SLC26A11: variants seen among roughly 807,000 people sequenced by gnomAD.
SLC26A11 encodes solute carrier family 26 member 11.
Under a neutral mutation model 62.2 loss-of-function variants are expected in SLC26A11, and 58 were observed. That is an observed-to-expected ratio of 0.93 (90% CI 0.76 to 1.16). SLC26A11 has a LOEUF of 1.16. Ranked by LOEUF, SLC26A11 falls within the 50% of genes most tolerant of loss-of-function variation. SLC26A11 has a pLI of 0.00. For missense variants in SLC26A11, 790 were observed against 794.3 expected, an observed-to-expected ratio of 0.99 and a Z score of 0.06; for synonymous variants, 411 against 368.9, an observed-to-expected ratio of 1.11 and a Z score of -1.31.
rs772379506 is a variant in SLC26A11 at position 80,223,674 on chromosome 17, A to G, written c.513+337A>G. 9.2e-5 allele frequency among the ~76,000 whole-genome samples: 14 copies of G among 152,192 alleles called. No homozygotes were observed. Among genetic ancestry groups the G allele is most frequent in the Non-Finnish European group, 1.9e-4 (13 of 68,040 alleles). On this transcript the variant is annotated intron_variant, in intron 5 of 17. Transcript: ENST00000361193. The surrounding 1 kb of genome is among the most constrained non-coding windows in gnomAD (Gnocchi z 4.6). The stretch of plus-strand genomic sequence containing the variant: ...TGTTCTCCCTGCACTGGGCACACCC[A>G]GCAGGCCCCACCAGTCATGAGCATG...
chr17:80,249,033 C>A, intron 15 of SLC26A11, 121 bp from the exon 16 acceptor site: 2 of 1,286,454 alleles, frequency 1.6e-6, no homozygotes, highest in Non-Finnish European at 2.1e-6. Context: ...ACTCAGCCGC[C>A]ACGAGATGGA....
intron 7 of SLC26A11, among the ~76,000 whole-genome samples, chr17:80,229,580 C>T (rs555565335): frequency 1.8e-3 from 277 of 152,132 alleles, no homozygotes; most frequent in Admixed American, 4.3e-3. Flanking sequence ...CAGGCGTGCA[C>T]CACCACACCT....
At chr17:80,224,444 A>AGTGTGC (rs1555626282) in intron 5 of SLC26A11, among the ~76,000 whole-genome samples, 3 of 146,780 alleles carry the variant, frequency 2.0e-5, no homozygotes, top group African/African-American at 5.1e-5. Context: ...TGGGTGTGAG[A>AGTGTGC]GTGTGAGTGT....
intron 10 of SLC26A11, 51 bp from the exon 11 acceptor site, chr17:80,245,145 C>A: frequency 6.4e-7 from 1 of 1,565,900 alleles, no homozygotes; most frequent in Non-Finnish European, 8.8e-7. Flanking sequence ...TCCTTTCCCT[C>A]CATCCTGTGT....
chr17:80,248,729 C>A (rs138258263), intron 15 of SLC26A11, 55 bp downstream of exon 15: 9 of 1,492,894 alleles, frequency 6.0e-6, no homozygotes, highest in South Asian at 2.4e-5. Flanking sequence ...CTCTGCCCCC[C>A]ACTCCCTGCT....
Position 80,246,858 on chromosome 17 carries a change from G to A in SLC26A11, c.1294+209G>A, listed in dbSNP as rs1331446913. The stretch of plus-strand genomic sequence containing the variant: ...GGGAAGAGCTGGAGCTCCTTGTCCT[G>A]ACACCTGGGGTCTTGAGGCGAGCAC... On this transcript the variant is annotated intron_variant, in intron 13 of 17. Coordinates refer to ENST00000361193, the MANE Select transcript of SLC26A11 (RefSeq NM_001166347.2). The surrounding 1 kb of genome is among the most constrained non-coding windows in gnomAD (Gnocchi z 4.4). 6.6e-6 allele frequency among the ~76,000 whole-genome samples: 1 copy of A among 152,128 alleles called. No homozygotes were observed. The highest frequency in any genetic ancestry group is 2.4e-5 in the African/African-American group (1 of 41,420).
At position 80,221,673 on chromosome 17, in the gene SLC26A11, CGT is replaced by C. The variant is rs1192373819; in HGVS notation, c.115_116del (p.Trp39AlafsTer32). On this transcript the variant is annotated frameshift_variant, in exon 3 of 18. Transcript: ENST00000361193. LOFTEE classifies it high-confidence loss of function. Reference sequence around the variant, plus strand: ...CTGCAGAGGAGGCTGCCCATCCTGGCGTGGCTGCCCAGCTACTCCCTGCAGTG... The same window carrying C: ...CTGCAGAGGAGGCTGCCCATCCTGGCGGCTGCCCAGCTACTCCCTGCAGTG... 2 of 1,613,142 alleles carry C rather than the reference CGT, an allele frequency of 1.2e-6. No homozygotes were observed. The highest frequency in any genetic ancestry group is 1.7e-6 in the Non-Finnish European group (2 of 1,179,994).
rs1322566772 is a variant in SLC26A11 at position 80,252,848 on chromosome 17, A to G, written c.*132A>G. 4 of 752,332 alleles carry G rather than the reference A, an allele frequency of 5.3e-6. No individual in the cohort carries two copies. Among genetic ancestry groups the G allele is most frequent in the East Asian group, 5.6e-5 (2 of 35,734 alleles). The allele number at this position is 752,332 out of a possible 1,614,324, so 46.6% of individuals were successfully genotyped here. On this transcript the variant is annotated 3_prime_UTR_variant, in exon 18 of 18. Transcript: ENST00000361193. The surrounding 1 kb of genome is among the most constrained non-coding windows in gnomAD (Gnocchi z 5.2). ...AACCCCTGAGCAGGTAACCCAGGGA[A>G]GAGAAGGAAGCCAGGCCTGGAGGTC...
intron 1 of SLC26A11, 74 bp downstream of exon 1, chr17:80,220,570 G>C (rs2042121807): frequency 7.6e-6 from 3 of 396,756 alleles, no homozygotes; most frequent in Non-Finnish European, 1.3e-5. Context: ...GGGGTCGCCG[G>C]GGGCAGCCGA....
chr17:80,221,480 G>C, intron 2 of SLC26A11, 68 bp from the exon 3 acceptor site: 1 of 1,205,632 alleles, frequency 8.3e-7, no homozygotes, highest in Non-Finnish European at 1.1e-6. Flanking sequence ...CGCCGACCCT[G>C]ACCAGTGTTG....
intron 5 of SLC26A11, 96 bp from the exon 6 acceptor site, chr17:80,225,741 A>G (rs2042389654): frequency 1.8e-6 from 2 of 1,084,042 alleles, no homozygotes; most frequent in African/African-American, 1.6e-5. Context: ...GCCGGGGGAC[A>G]CTGTCTCAGC....
chr17:80,221,931 C>T (rs1261569207), intron 3 of SLC26A11, 137 bp downstream of exon 3: 2 of 914,138 alleles, frequency 2.2e-6, no homozygotes, highest in South Asian at 3.5e-5. Flanking sequence ...GTGTGTGACG[C>T]AGATTGTCTC....
chr17:80,248,557 A>G lies in SLC26A11; in HGVS notation c.1423-18A>G. On this transcript the variant is annotated intron_variant, in intron 14 of 17. Transcript: ENST00000361193. ...CCACCCGGTCAGACCCGCCTCCAGG[A>G]CTCACTCCTCCCCACAGGTGTCAGA... is the stretch of plus-strand genomic sequence containing the variant. 1.9e-6 allele frequency: 3 copies of G among 1,558,432 alleles called. No homozygotes were observed. Among genetic ancestry groups the G allele is most frequent in the Admixed American group, 1.9e-5 (1 of 52,540 alleles).
intron 11 of SLC26A11, chr17:80,245,509 C>G (rs889093582): frequency 9.2e-5 from 45 of 490,518 alleles, no homozygotes; most frequent in South Asian, 8.1e-4. Flanking sequence ...CCCATTTACT[C>G]TGGAGGCGGA....
chr17:80,222,928 C>G lies in SLC26A11; in HGVS notation c.427+81C>G, dbSNP rs990065614. The stretch of plus-strand genomic sequence containing the variant: ...TGCATTTCAAGTCTATCCCCGTGTG[C>G]GTGTGTGTGCGTGTTGGGGTGTGGG... On this transcript the variant is annotated intron_variant, in intron 4 of 17. Transcript: ENST00000361193. The surrounding 1 kb of genome is among the most constrained non-coding windows in gnomAD (Gnocchi z 4.7). 1.7e-6 allele frequency: 2 copies of G among 1,186,822 alleles called. No homozygotes were observed. The highest frequency in any genetic ancestry group is 4.4e-5 in the African/African-American group (2 of 45,492). 73.5% of individuals were successfully genotyped at this position (1,186,822 alleles called of 1,614,324 possible).
intron 9 of SLC26A11, among the ~76,000 whole-genome samples, chr17:80,241,034 G>A (rs988528173): frequency 1.3e-5 from 2 of 152,006 alleles, no homozygotes; most frequent in Non-Finnish European, 2.9e-5. Flanking sequence ...GAGCCCAGGA[G>A]GTCAAGGTGG....
intron 5 of SLC26A11, 45 bp from the exon 6 acceptor site, chr17:80,225,792 G>T: frequency 6.4e-7 from 1 of 1,564,686 alleles, no homozygotes; most frequent in Non-Finnish European, 8.8e-7. Context: ...AGATGGCCTT[G>T]GTTTGGGAGC....
Position 80,236,728 on chromosome 17 carries a change from C to T in SLC26A11, c.737-200C>T, listed in dbSNP as rs2042703507. The T allele has an allele frequency of 1.0e-5, 6 of 585,168 alleles. No homozygotes were observed. In the South Asian group the frequency reaches 1.5e-4, roughly 15 times the overall value. 36.2% of individuals were successfully genotyped at this position (585,168 alleles called of 1,614,324 possible). ...GGCATGTGCACCTGTCCGCAGCCTG[C>T]AGCTCTGCCGTCCCACCTGCTTATG... On this transcript the variant is annotated intron_variant, in intron 7 of 17. Transcript: ENST00000361193.
chr17:80,221,482 C>T, intron 2 of SLC26A11, 66 bp from the exon 3 acceptor site: 1 of 1,206,696 alleles, frequency 8.3e-7, no homozygotes, highest in Non-Finnish European at 1.1e-6. Flanking sequence ...CCGACCCTGA[C>T]CAGTGTTGCC....
Sources: allele counts gnomAD v4.1 joint callset (sites outside exome capture counted in the v4.1 genomes callset), GRCh38; gene constraint gnomAD v4.1.1; non-coding constraint Gnocchi (gnomAD v3.1); transcripts MANE v1.5; gene names NCBI Gene and HGNC (gene_info 2026-07-23, HGNC 2026-07-21).